Variants in UNC13C observed in about 807,000 individuals in gnomAD.
UNC13C encodes unc-13 homolog C.
UNC13C carries 174 observed loss-of-function variants against 245.4 expected under a neutral mutation model. That is an observed-to-expected ratio of 0.71 (90% confidence interval 0.63 to 0.80). UNC13C has a LOEUF of 0.80. UNC13C is among the 30% of genes least tolerant of loss of function. UNC13C has a pLI of 0.00. For missense variants in UNC13C, 2,829 were observed against 2,602.9 expected (o/e 1.09, Z -1.89); for synonymous variants, 992 against 895.1 (o/e 1.11, Z -1.93).
intron 10 of UNC13C, among the ~76,000 whole-genome samples, chr15:54,266,044 C>CT (rs977336448): frequency 1.3e-5 from 2 of 151,638 alleles, no homozygotes; most frequent in Non-Finnish European, 2.9e-5. Flanking sequence ...CTCAAAAGTT[C>CT]TTTTTTTTAA....
chr15:54,081,587 A>G (rs935628722), intron 2 of UNC13C, among the ~76,000 whole-genome samples: 7 of 142,730 alleles, frequency 4.9e-5, no homozygotes, highest in African/African-American at 1.7e-4. Context: ...GTTTCATCAG[A>G]TACAAGAATA....
intron 19 of UNC13C, among the ~76,000 whole-genome samples, chr15:54,443,045 T>C (rs559895721): frequency 8.3e-4 from 126 of 152,262 alleles, no homozygotes; most frequent in Middle Eastern, 3.4e-3. Flanking sequence ...CATCTGGTTA[T>C]GGGCTTTTCT....
Position 54,380,086 on chromosome 15 carries a change from C to T in UNC13C, c.4714-12962C>T, listed in dbSNP as rs146785140. ...TACAATAGATCTCTTGAATTTATTC[C>T]TTCTAACTAAAATTTTGTGTCCTTT... On this transcript the variant is annotated intron_variant, in intron 17 of 32. Coordinates refer to ENST00000260323, the MANE Select transcript of UNC13C (RefSeq NM_001080534.3). 1.6e-3 allele frequency among the ~76,000 whole-genome samples: 240 copies of T among 151,990 alleles called. 1 individual carries two copies. The highest frequency in any genetic ancestry group is 5.5e-3 in the African/African-American group (230 of 41,466).
intron 19 of UNC13C, among the ~76,000 whole-genome samples, chr15:54,474,023 G>A (rs571903198): frequency 6.6e-6 from 1 of 151,784 alleles, no homozygotes; most frequent in South Asian, 2.1e-4. Flanking sequence ...TTATTTTTAT[G>A]GCCAAATAAT....
Position 54,155,622 on chromosome 15 carries a change from T to A in UNC13C, c.3071+11938T>A, listed in dbSNP as rs10468006. 8.5e-5 allele frequency among the ~76,000 whole-genome samples: 13 copies of A among 152,276 alleles called. No homozygotes were observed. In the South Asian group the frequency reaches 1.9e-3, roughly 22 times the overall value. Reference sequence around the variant, plus strand: ...ATTTTAAATAATGGAAAAATAGATATTGCCATGAAAACATCAGAATCTCAT... The same window carrying A: ...ATTTTAAATAATGGAAAAATAGATAATGCCATGAAAACATCAGAATCTCAT... On this transcript the variant is annotated intron_variant, in intron 4 of 32. Transcript: ENST00000260323.
At chr15:53,991,542 T>A (rs1000495604) in intron 1 of UNC13C, among the ~76,000 whole-genome samples, 1 of 151,964 alleles carries the variant, frequency 6.6e-6, no homozygotes, top group Non-Finnish European at 1.5e-5. Context: ...AGCACCTAGA[T>A]CAGACTTGGT....
intron 19 of UNC13C, among the ~76,000 whole-genome samples, chr15:54,455,205 C>CTCTCTCTCTCTCTCTCTCTCTATATATA (rs1388065398): frequency 5.3e-5 from 1 of 18,964 alleles, no homozygotes; most frequent in Non-Finnish European, 9.2e-5. Flanking sequence ...CTCTCTCTCT[C>CTCTCTCTCTCTCTCTCTCTCTATATATA]TATATATATA....
Position 54,024,591 on chromosome 15 carries a change from T to A in UNC13C, c.2983+8705T>A, listed in dbSNP as rs150821640. ...CATTGATTGAGTTCTACACCATGGCTCATTTCAGCCTATTGTATGCTTCTG... is the reference window on the plus strand; with the variant it reads ...CATTGATTGAGTTCTACACCATGGCACATTTCAGCCTATTGTATGCTTCTG... On this transcript the variant is annotated intron_variant, in intron 2 of 32. Coordinates refer to ENST00000260323, the MANE Select transcript of UNC13C (RefSeq NM_001080534.3). Among the ~76,000 whole-genome samples the A allele has an allele frequency of 1.5e-3, 225 of 152,284 alleles. 2 individuals carry two copies. Among genetic ancestry groups the A allele is most frequent in the Non-Finnish European group, 2.7e-3 (182 of 68,018 alleles).
intron 1 of UNC13C, among the ~76,000 whole-genome samples, chr15:54,008,135 C>T (rs1481424537): frequency 6.6e-6 from 1 of 152,158 alleles, no homozygotes. Flanking sequence ...TCCTTTAGCT[C>T]ACTAGGGTAT....
intron 2 of UNC13C, among the ~76,000 whole-genome samples, chr15:54,110,701 A>G (rs746381561): frequency 4.6e-5 from 7 of 152,182 alleles, no homozygotes; most frequent in East Asian, 1.9e-4. Context: ...GCTGGAGTAC[A>G]GATCAAAGTT....
chr15:53,885,864 G>A, the UNC13C span, among the ~76,000 whole-genome samples: 2 of 152,080 alleles, frequency 1.3e-5, no homozygotes, highest in Non-Finnish European at 2.9e-5. Context: ...AAAAGGAGTT[G>A]GTCATTAAGT....
At chr15:54,432,294 T>C (rs2040888022) in intron 19 of UNC13C, among the ~76,000 whole-genome samples, 4 of 151,558 alleles carry the variant, frequency 2.6e-5, no homozygotes, top group Admixed American at 2.0e-4. Flanking sequence ...TGTGTGGTGT[T>C]AGAAAAATAA....
In UNC13C at chr15:54,013,546, G is replaced by A; in HGVS notation, c.643G>A (p.Asp215Asn). 1 of 1,613,912 alleles carries A rather than the reference G, an allele frequency of 6.2e-7. No individual in the cohort carries two copies. Among genetic ancestry groups the A allele is most frequent in the East Asian group, 2.2e-5 (1 of 44,882 alleles). The change falls in exon 2 of 33, where the codon GAC becomes AAC. Residue 215 changes from aspartate to asparagine, a missense_variant. Coordinates refer to ENST00000260323, the MANE Select transcript of UNC13C (RefSeq NM_001080534.3). Reference protein sequence around the residue: ...KSWGIRSKSLDRTVRNPKTNA... With the variant: ...KSWGIRSKSLNRTVRNPKTNA... ...CTGGGGAATAAGAAGTAAGTCTTTG[G>A]ACAGAACTGTCCGAAACCCAAAGAC...
the UNC13C span, among the ~76,000 whole-genome samples, chr15:53,938,129 C>G: frequency 2.6e-5 from 4 of 152,062 alleles, no homozygotes; most frequent in East Asian, 7.7e-4. Context: ...ATGCTGTCTT[C>G]AAGAGACCCA....
intron 2 of UNC13C, among the ~76,000 whole-genome samples, chr15:54,084,278 G>C (rs978958247): frequency 3.9e-4 from 60 of 152,198 alleles, no homozygotes; most frequent in African/African-American, 1.4e-3. Flanking sequence ...CTTTCTATTG[G>C]TCAGTTGGAT....
intron 1 of UNC13C, among the ~76,000 whole-genome samples, chr15:54,003,227 G>T (rs1190831522): frequency 6.6e-6 from 1 of 152,062 alleles, no homozygotes; most frequent in East Asian, 1.9e-4. Flanking sequence ...TGTTTCTGAG[G>T]ATAAAAATCA....
chr15:54,399,928 T>C (rs1453720426), intron 18 of UNC13C, among the ~76,000 whole-genome samples: 2 of 151,990 alleles, frequency 1.3e-5, no homozygotes, highest in Non-Finnish European at 2.9e-5. Context: ...ACTTTTATAT[T>C]TAAGAAATTG....
chr15:53,972,955 A>G, the UNC13C span, among the ~76,000 whole-genome samples: 1 of 152,116 alleles, frequency 6.6e-6, no homozygotes, highest in Non-Finnish European at 1.5e-5. Flanking sequence ...TCTAATGTAC[A>G]TAAGACATTT....
intron 1 of UNC13C, among the ~76,000 whole-genome samples, chr15:54,005,165 A>G (rs893350178): frequency 8.5e-5 from 13 of 152,204 alleles, no homozygotes; most frequent in African/African-American, 3.1e-4. Context: ...CTTAAAACCT[A>G]GGGGCCCAGT....
Sources: gnomAD v4.1 joint callset for allele counts (sites outside exome capture counted in the v4.1 genomes callset) on GRCh38, gnomAD v4.1.1 for gene constraint, MANE v1.5 for transcripts, NCBI Gene and HGNC (gene_info 2026-07-23, HGNC 2026-07-21) for gene names.